ARGLU1: variants seen among roughly 807,000 people sequenced by gnomAD.
ARGLU1 encodes the protein arginine and glutamate-rich protein 1.
Under a neutral mutation model 37.6 loss-of-function variants are expected in ARGLU1, and 9 were observed. That is an observed-to-expected ratio of 0.24 (90% CI 0.14 to 0.42). ARGLU1 has a LOEUF of 0.42. Among genes scored for constraint, ARGLU1 ranks in the 10% least tolerant of loss-of-function variants. The probability of loss-of-function intolerance (pLI) is 1.00; values close to 1 mark genes in which losing one functional copy is unlikely to be tolerated. For missense variants in ARGLU1, 211 were observed against 359.2 expected (o/e 0.59, Z 3.34); for synonymous variants, 166 against 138.5 (o/e 1.20, Z -1.39).
rs1880277539 is a variant in ARGLU1, at chr13:106,542,087, C to T, written c.*1909G>A. ...GCAGATACTGCAGGATGTCATTAAGCAACTTACTGTCACTTCACACCATAT... is the reference window on the plus strand; with the variant it reads ...GCAGATACTGCAGGATGTCATTAAGTAACTTACTGTCACTTCACACCATAT... On this transcript the variant is annotated 3_prime_UTR_variant, in exon 4 of 4. Coordinates refer to ENST00000400198, the MANE Select transcript of ARGLU1 (RefSeq NM_018011.4). The T allele has an allele frequency of 6.6e-6, 1 of 151,908 alleles. No homozygotes were observed. The highest frequency in any genetic ancestry group is 1.5e-5 in the Non-Finnish European group (1 of 67,982). 9.4% of individuals were successfully genotyped at this position (151,908 alleles called of 1,614,324 possible).
intron 1 of ARGLU1, among the ~76,000 whole-genome samples, chr13:106,566,858 G>A (rs1880978886): frequency 6.6e-6 from 1 of 152,030 alleles, no homozygotes; most frequent in African/African-American, 2.4e-5. Context: ...TTAAAAAAGC[G>A]GTAGGCTTTG....
intron 1 of ARGLU1, among the ~76,000 whole-genome samples, chr13:106,563,833 T>C (rs1880883832): frequency 6.6e-6 from 1 of 152,162 alleles, no homozygotes; most frequent in African/African-American, 2.4e-5. Flanking sequence ...CAGTTCAGTG[T>C]AGATACTCTA....
chr13:106,546,261 T>A (rs1880388095), intron 3 of ARGLU1, among the ~76,000 whole-genome samples: 1 of 152,238 alleles, frequency 6.6e-6, no homozygotes, highest in Non-Finnish European at 1.5e-5. Flanking sequence ...CTGCTCACTC[T>A]TTCTTGTTCT....
At chr13:106,563,003 AAAAAAC>A (rs1566475536) in intron 1 of ARGLU1, among the ~76,000 whole-genome samples, 3 of 122,178 alleles carry the variant, frequency 2.5e-5, no homozygotes, top group African/African-American at 6.2e-5. Context: ...AAAAAAAAAA[AAAAAAC>A]AAAAAAAAAA....
intron 3 of ARGLU1, among the ~76,000 whole-genome samples, chr13:106,550,733 T>C (rs775654204): frequency 6.6e-6 from 1 of 152,154 alleles, no homozygotes; most frequent in Non-Finnish European, 1.5e-5. Flanking sequence ...AGAGGTTCTA[T>C]GGGAGAATCT....
chr13:106,555,148 A>G (rs1305341799), intron 3 of ARGLU1, among the ~76,000 whole-genome samples: 4 of 152,112 alleles, frequency 2.6e-5, no homozygotes, highest in Non-Finnish European at 5.9e-5. Context: ...ACCTGAGGTC[A>G]GGAGTTCGAG....
chr13:106,547,692 A>G (rs1375163800), intron 3 of ARGLU1, among the ~76,000 whole-genome samples: 1 of 152,232 alleles, frequency 6.6e-6, no homozygotes, highest in Admixed American at 6.5e-5. Context: ...CTGCCTGAAT[A>G]TGCTTTTACA....
chr13:106,544,358 G>A (rs767835791), intron 3 of ARGLU1, among the ~76,000 whole-genome samples, 198 bp from the exon 4 acceptor site: 1 of 152,050 alleles, frequency 6.6e-6, no homozygotes, highest in Non-Finnish European at 1.5e-5. Context: ...TACACACAAT[G>A]GCATGTGTCA....
intron 1 of ARGLU1, among the ~76,000 whole-genome samples, chr13:106,565,114 C>T (rs1008300975): frequency 1.3e-5 from 2 of 152,244 alleles, no homozygotes; most frequent in Non-Finnish European, 2.9e-5. Context: ...AAAAAAGGCA[C>T]CATGTCATTC....
intron 1 of ARGLU1, among the ~76,000 whole-genome samples, chr13:106,561,451 AC>A (rs1880797992): frequency 6.6e-6 from 1 of 151,724 alleles, no homozygotes; most frequent in African/African-American, 2.4e-5. Context: ...ACACACACAC[AC>A]ACACACACAC....
chr13:106,559,432 C>T lies in ARGLU1; in HGVS notation c.573G>A (p.Glu191=). 1 of 1,614,038 alleles carries T rather than the reference C, an allele frequency of 6.2e-7. No homozygotes were observed. Among genetic ancestry groups the T allele is most frequent in the Non-Finnish European group, 8.5e-7 (1 of 1,180,030 alleles). ...QAELAAQKAR[E]EEERAKREEL... ...TACTTTCCAAACGACCGAGCGTTAC[C>T]TCTCTAGCTTTTTGTGCGGCAAGCT... is the stretch of plus-strand genomic sequence containing the variant. The change falls in exon 2 of 4, where the codon GAG becomes GAA. Residue 191 remains glutamate (E), a splice_region_variant and synonymous_variant. Transcript: ENST00000400198.
At chr13:106,547,267 A>G (rs1404040877) in intron 3 of ARGLU1, among the ~76,000 whole-genome samples, 1 of 152,206 alleles carries the variant, frequency 6.6e-6, no homozygotes, top group African/African-American at 2.4e-5. Flanking sequence ...CACATATGCT[A>G]TCATATAAAG....
intron 3 of ARGLU1, among the ~76,000 whole-genome samples, chr13:106,550,387 TTAACA>T (rs1880504269): frequency 6.6e-6 from 1 of 152,130 alleles, no homozygotes; most frequent in African/African-American, 2.4e-5. Flanking sequence ...CCCAAATACA[TTAACA>T]TAAGGTCTTC....
intron 1 of ARGLU1, among the ~76,000 whole-genome samples, chr13:106,564,493 C>T (rs907016411): frequency 1.3e-5 from 2 of 152,176 alleles, no homozygotes; most frequent in South Asian, 4.1e-4. Context: ...ATGGTTGATT[C>T]TTATTTTACG....
intron 3 of ARGLU1, among the ~76,000 whole-genome samples, chr13:106,544,858 CCTGA>C (rs1167299398): frequency 3.9e-5 from 6 of 152,176 alleles, no homozygotes; most frequent in African/African-American, 1.4e-4. Context: ...AACCTTCTGA[CCTGA>C]CTAACTATAA....
chr13:106,567,683 G>C lies in ARGLU1; in HGVS notation c.237C>G (p.Pro79=). The change falls in exon 1 of 4, where the codon CCC becomes CCG. Residue 79 remains proline (P), a synonymous_variant. Coordinates refer to ENST00000400198, the MANE Select transcript of ARGLU1 (RefSeq NM_018011.4). The surrounding 1 kb of genome is among the most constrained non-coding windows in gnomAD (Gnocchi z 4.3). The part of the protein sequence containing the change: ...ERDRERASSP[P]DRIDIFGRTV... ...TGCGCCCGAAGATGTCGATGCGGTC[G>C]GGCGGGGACGAGGCGCGCTCCCGGT... 1 of 1,613,266 alleles carries C rather than the reference G, an allele frequency of 6.2e-7. No individual in the cohort carries two copies.
intron 1 of ARGLU1, among the ~76,000 whole-genome samples, chr13:106,565,992 G>T (rs1197090732): frequency 1.3e-5 from 2 of 152,090 alleles, no homozygotes; most frequent in Non-Finnish European, 2.9e-5. Context: ...CTCTTTGGAG[G>T]TCTCCTTTGT....
In ARGLU1 at chr13:106,567,566, C is replaced by T. The variant is rs765294578; in HGVS notation, c.347+7G>A. 1.3e-6 allele frequency: 2 copies of T among 1,583,814 alleles called. No homozygotes were observed. The highest frequency in any genetic ancestry group is 1.3e-5 in the African/African-American group (1 of 74,264). On this transcript the variant is annotated splice_region_variant and intron_variant, in intron 1 of 3. Coordinates refer to ENST00000400198, the MANE Select transcript of ARGLU1 (RefSeq NM_018011.4). The surrounding 1 kb of genome is among the most constrained non-coding windows in gnomAD (Gnocchi z 4.3). Reference sequence around the variant, plus strand: ...ACGCCCCGGTCCCTCCCCGCGCGGGCACTCACATTTTTCGCTGCCGCTCGA... The same window carrying T: ...ACGCCCCGGTCCCTCCCCGCGCGGGTACTCACATTTTTCGCTGCCGCTCGA...
rs1555327360 is a variant in ARGLU1, at chr13:106,563,007, AAC to A, written c.348-3352_348-3351del. Among the ~76,000 whole-genome samples, 611 of 117,410 alleles carry A rather than the reference AAC, an allele frequency of 5.2e-3. 21 individuals carry two copies. The highest frequency in any genetic ancestry group is 0.015 in the African/African-American group (402 of 27,332). The allele number at this position is 117,410 out of a possible 152,430, so 77.0% of individuals were successfully genotyped here. ...CCCTGTCTCAAAAAAAAAAAAAAAA[AAC>A]AAAAAAAAAAACCACTAGTCACACT... is the stretch of plus-strand genomic sequence containing the variant. On this transcript the variant is annotated intron_variant, in intron 1 of 3. Transcript: ENST00000400198.
Sources: allele counts gnomAD v4.1 joint callset (sites outside exome capture counted in the v4.1 genomes callset), GRCh38; gene constraint gnomAD v4.1.1; non-coding constraint Gnocchi (gnomAD v3.1); transcripts MANE v1.5; gene names NCBI Gene and HGNC (gene_info 2026-07-23, HGNC 2026-07-21).